Variants in AVEN observed in about 807,000 individuals in gnomAD.
The protein encoded by AVEN is apoptosis and caspase activation inhibitor.
In AVEN, 41 loss-of-function variants were observed where a neutral mutation model predicts 38.1. The ratio of observed to expected loss-of-function variants is 1.08; its 90% CI spans 0.84 to 1.40. The LOEUF is 1.40. AVEN is among the 40% of genes most tolerant of loss of function. The probability of loss-of-function intolerance (pLI) is 0.00; values close to 1 mark genes in which losing one functional copy is unlikely to be tolerated. For synonymous variants in AVEN, 206 were observed against 171.8 expected, an observed-to-expected ratio of 1.20 and a Z score of -1.56; for missense variants, 605 against 438.8, an observed-to-expected ratio of 1.38 and a Z score of -3.38.
intron 2 of AVEN, among the ~76,000 whole-genome samples, chr15:33,936,930 G>C (rs1177790042): frequency 2.6e-5 from 4 of 151,810 alleles, no homozygotes; most frequent in African/African-American, 9.7e-5. Flanking sequence ...AGGAGATCGA[G>C]ACCATCCTGG....
At chr15:34,032,580 G>A (rs1265659543) in intron 1 of AVEN, among the ~76,000 whole-genome samples, 1 of 152,132 alleles carries the variant, frequency 6.6e-6, no homozygotes, top group Non-Finnish European at 1.5e-5. Context: ...GAAACAAAGG[G>A]GCTATGATCT....
chr15:33,964,845 T>C (rs1204177647), intron 2 of AVEN, among the ~76,000 whole-genome samples: 2 of 152,200 alleles, frequency 1.3e-5, no homozygotes, highest in African/African-American at 4.8e-5. Context: ...TTCATTTTTG[T>C]AGAATGTTAG....
intron 2 of AVEN, among the ~76,000 whole-genome samples, chr15:33,917,954 T>C (rs570351329): frequency 1.3e-5 from 2 of 152,252 alleles, no homozygotes; most frequent in African/African-American, 4.8e-5. Flanking sequence ...TAAAAATTTA[T>C]TGAAATAGAA....
chr15:33,902,841 G>C (rs1892544845), intron 2 of AVEN, among the ~76,000 whole-genome samples: 1 of 138,868 alleles, frequency 7.2e-6, no homozygotes, highest in African/African-American at 2.5e-5. Flanking sequence ...AATAAATTCT[G>C]TAGCTTAATT....
intron 1 of AVEN, among the ~76,000 whole-genome samples, chr15:34,022,015 T>A (rs1261612274): frequency 6.6e-6 from 1 of 152,182 alleles, no homozygotes; most frequent in Non-Finnish European, 1.5e-5. Context: ...AGAATTCAAG[T>A]GCAAATATTT....
At chr15:34,019,620 T>C (rs1898114155) in intron 1 of AVEN, among the ~76,000 whole-genome samples, 1 of 152,204 alleles carries the variant, frequency 6.6e-6, no homozygotes, top group South Asian at 2.1e-4. Flanking sequence ...CCATTTCTCA[T>C]CCTATACACA....
At chr15:33,868,296 G>A (rs1056791906) in intron 4 of AVEN, among the ~76,000 whole-genome samples, 3 of 152,068 alleles carry the variant, frequency 2.0e-5, no homozygotes, top group South Asian at 2.1e-4. Context: ...GGCCAAGGTG[G>A]GTGGATCATG....
At chr15:33,958,611 AAGAAAAGAAAG>A (rs1895051798) in intron 2 of AVEN, among the ~76,000 whole-genome samples, 1 of 150,156 alleles carries the variant, frequency 6.7e-6, no homozygotes, top group South Asian at 2.1e-4. Flanking sequence ...AAAAAAGGAA[AAGAAAAGAAAG>A]AAAACTTCTT....
intron 4 of AVEN, 70 bp from the exon 5 acceptor site, chr15:33,867,925 G>A: frequency 2.0e-6 from 3 of 1,493,670 alleles, no homozygotes; most frequent in Non-Finnish European, 2.7e-6. Context: ...AAATACATAG[G>A]AGGCTAAACG....
intron 2 of AVEN, among the ~76,000 whole-genome samples, chr15:33,886,978 C>T (rs540297915): frequency 6.6e-6 from 1 of 152,150 alleles, no homozygotes; most frequent in African/African-American, 2.4e-5. Flanking sequence ...GAAAAGGGGG[C>T]AGAAGGCATG....
chr15:33,885,034 T>C (rs1891647967), intron 2 of AVEN, among the ~76,000 whole-genome samples: 1 of 152,188 alleles, frequency 6.6e-6, no homozygotes, highest in Non-Finnish European at 1.5e-5. Context: ...CATTTTAAGC[T>C]CCATTTTCCT....
intron 2 of AVEN, among the ~76,000 whole-genome samples, chr15:33,913,813 C>T (rs1391337063): frequency 1.3e-5 from 2 of 152,132 alleles, no homozygotes; most frequent in Non-Finnish European, 2.9e-5. Flanking sequence ...AGCCTTGAAC[C>T]AATGAAAAGA....
intron 1 of AVEN, among the ~76,000 whole-genome samples, chr15:34,009,685 A>G (rs79909236): frequency 0.013 from 2,033 of 152,284 alleles, 43 homozygotes; most frequent in African/African-American, 0.046. Context: ...AAAAAGGTCA[A>G]TCAAAAAGAT....
At chr15:34,015,355 C>T (rs1238721457) in intron 1 of AVEN, among the ~76,000 whole-genome samples, 2 of 151,966 alleles carry the variant, frequency 1.3e-5, no homozygotes, top group Non-Finnish European at 2.9e-5. Flanking sequence ...CGGTGGCGGG[C>T]ACCTGTAGTC....
intron 2 of AVEN, among the ~76,000 whole-genome samples, chr15:33,985,076 G>A (rs517078): frequency 0.47 from 72,156 of 151,934 alleles, 20,705 homozygotes; most frequent in Non-Finnish European, 0.64. Flanking sequence ...ACACTGAACT[G>A]TATTTGTTGG....
chr15:33,872,615 G>C (rs1891025007), intron 3 of AVEN, among the ~76,000 whole-genome samples: 1 of 147,276 alleles, frequency 6.8e-6, no homozygotes, highest in Non-Finnish European at 1.5e-5. Context: ...ATATCACTCA[G>C]CAGCCAGCAG....
At chr15:33,944,717 G>A (rs750592808) in intron 2 of AVEN, among the ~76,000 whole-genome samples, 6 of 151,966 alleles carry the variant, frequency 3.9e-5, no homozygotes, top group African/African-American at 9.7e-5. Context: ...GCTGAGGCAG[G>A]AGAATGGCAT....
chr15:34,067,120 G>C (rs1479367820), intron 2 of AVEN: 1 of 152,304 alleles, frequency 6.6e-6, no homozygotes, highest in East Asian at 1.9e-4. Flanking sequence ...ACTTTGGCTA[G>C]TTACCTACTG....
intron 1 of AVEN, among the ~76,000 whole-genome samples, chr15:34,006,077 C>T (rs997642591): frequency 2.6e-5 from 4 of 152,070 alleles, no homozygotes; most frequent in African/African-American, 9.7e-5. Flanking sequence ...TTTGGGAGGC[C>T]GAGGAGGGCA....
Sources: gnomAD v4.1 joint callset for allele counts (sites outside exome capture counted in the v4.1 genomes callset) on GRCh38, gnomAD v4.1.1 for gene constraint, MANE v1.5 for transcripts, NCBI Gene and HGNC (gene_info 2026-07-23, HGNC 2026-07-21) for gene names.